CNTNAP2: variants seen among roughly 807,000 people sequenced by gnomAD.
CNTNAP2 encodes the protein contactin associated protein 2.
A neutral mutation model predicts 155.2 loss-of-function variants in CNTNAP2; 98 were observed. That is an observed-to-expected ratio of 0.63 (90% CI 0.54 to 0.75). The LOEUF (loss-of-function observed/expected upper bound fraction) is 0.75. CNTNAP2 is among the 30% of genes least tolerant of loss of function. The probability of loss-of-function intolerance (pLI) is 0.00; values close to 1 mark genes in which losing one functional copy is unlikely to be tolerated. For synonymous variants in CNTNAP2, 651 were observed against 631.2 expected (o/e 1.03, Z -0.47); for missense variants, 1,727 against 1,688.1 (o/e 1.02, Z -0.40).
intron 1 of CNTNAP2, among the ~76,000 whole-genome samples, chr7:146,589,803 C>A (rs1467023792): frequency 6.6e-6 from 1 of 151,522 alleles, no homozygotes. Flanking sequence ...ATGTGTTATT[C>A]AAGTGAGATT....
chr7:147,083,870 C>CATATTATATACATATACACATGTATGTAT (rs1443625288), intron 4 of CNTNAP2, among the ~76,000 whole-genome samples: 2 of 125,834 alleles, frequency 1.6e-5, no homozygotes, highest in Non-Finnish European at 3.1e-5. Context: ...CATGTATGTA[C>CATATTATATACATATACACATGTATGTAT]ATATTATATA....
intron 14 of CNTNAP2, among the ~76,000 whole-genome samples, chr7:147,920,355 C>CAAAAAA (rs35672069): frequency 1.7e-4 from 15 of 86,806 alleles, no homozygotes; most frequent in East Asian, 4.3e-4. Context: ...GACTCCGTCT[C>CAAAAAA]AAAAAAAAAA....
chr7:147,336,725 G>A (rs1177434433), intron 9 of CNTNAP2, among the ~76,000 whole-genome samples: 1 of 152,070 alleles, frequency 6.6e-6, no homozygotes, highest in Non-Finnish European at 1.5e-5. Flanking sequence ...TCTTTCCACT[G>A]TTCACCTCTG....
intron 8 of CNTNAP2, among the ~76,000 whole-genome samples, chr7:147,169,743 C>A (rs951482831): frequency 6.6e-6 from 1 of 152,054 alleles, no homozygotes; most frequent in Non-Finnish European, 1.5e-5. Flanking sequence ...GAAATTCAAA[C>A]CCTGGATAGA....
In CNTNAP2 at chr7:147,326,177, G is replaced by A. The variant is rs534003947; in HGVS notation, c.1498+25887G>A. Among the ~76,000 whole-genome samples, 7 of 152,288 alleles carry A rather than the reference G, an allele frequency of 4.6e-5. No individual in the cohort carries two copies. In the East Asian group the frequency reaches 9.7e-4, roughly 21 times the overall value. ...CTGACCTGGTGATCCGCCCGCCTTGGCCTCCCAAAGTGCTGGGATTACAGG... is the reference window on the plus strand; with the variant it reads ...CTGACCTGGTGATCCGCCCGCCTTGACCTCCCAAAGTGCTGGGATTACAGG... On this transcript the variant is annotated intron_variant, in intron 9 of 23. Coordinates refer to ENST00000361727, the MANE Select transcript of CNTNAP2 (RefSeq NM_014141.6).
intron 20 of CNTNAP2, among the ~76,000 whole-genome samples, chr7:148,237,329 C>G (rs577871974): frequency 9.9e-5 from 15 of 152,080 alleles, no homozygotes; most frequent in African/African-American, 3.4e-4. Flanking sequence ...GTACTAATGT[C>G]CAAAAATAAT....
intron 1 of CNTNAP2, among the ~76,000 whole-genome samples, chr7:146,227,435 A>AAG (rs1379014229): frequency 5.3e-5 from 8 of 151,240 alleles, no homozygotes; most frequent in African/African-American, 1.9e-4. Context: ...AAACAAAAAA[A>AAG]AAAAAAAAAA....
chr7:148,293,152 T>G (rs1272479246), intron 21 of CNTNAP2, among the ~76,000 whole-genome samples: 1 of 152,210 alleles, frequency 6.6e-6, no homozygotes, highest in Non-Finnish European at 1.5e-5. Flanking sequence ...TTTCTTTTTC[T>G]TTGTAACTCT....
chr7:146,678,271 G>T (rs925194508), intron 1 of CNTNAP2, among the ~76,000 whole-genome samples: 9 of 151,720 alleles, frequency 5.9e-5, no homozygotes, highest in Admixed American at 1.3e-4. Context: ...GTCTCACCAC[G>T]TTGGCCGGGC....
intron 1 of CNTNAP2, among the ~76,000 whole-genome samples, chr7:146,667,335 G>T (rs1489448414): frequency 6.6e-6 from 1 of 152,030 alleles, no homozygotes; most frequent in Non-Finnish European, 1.5e-5. Context: ...TGTTCCATTA[G>T]CCTATAGATG....
chr7:147,054,590 TAA>T (rs1178021928), intron 4 of CNTNAP2, among the ~76,000 whole-genome samples: 2 of 152,190 alleles, frequency 1.3e-5, no homozygotes, highest in Non-Finnish European at 2.9e-5. Flanking sequence ...CAAATATATA[TAA>T]GTGATTCCTT....
chr7:146,174,928 T>C (rs191412084), intron 1 of CNTNAP2, among the ~76,000 whole-genome samples: 2 of 152,274 alleles, frequency 1.3e-5, no homozygotes, highest in African/African-American at 4.8e-5. Flanking sequence ...TAATACTTCA[T>C]AGATGCCCCC....
At chr7:147,969,501 C>T (rs998559115) in intron 14 of CNTNAP2, among the ~76,000 whole-genome samples, 7 of 152,084 alleles carry the variant, frequency 4.6e-5, no homozygotes, top group African/African-American at 1.7e-4. Context: ...GGGCCTACTC[C>T]AAAACAATGG....
intron 13 of CNTNAP2, among the ~76,000 whole-genome samples, chr7:147,810,765 C>T (rs1798166743): frequency 6.6e-6 from 1 of 151,914 alleles, no homozygotes; most frequent in South Asian, 2.1e-4. Context: ...GTTAAAATAC[C>T]CAATTTCGTT....
chr7:146,544,407 C>A (rs914453460), intron 1 of CNTNAP2, among the ~76,000 whole-genome samples: 2 of 151,978 alleles, frequency 1.3e-5, no homozygotes, highest in African/African-American at 4.8e-5. Context: ...TTTAACAGCA[C>A]ACTTTCCGCT....
At chr7:147,802,311 G>A in intron 13 of CNTNAP2, among the ~76,000 whole-genome samples, 1 of 146,712 alleles carries the variant, frequency 6.8e-6, no homozygotes, top group South Asian at 2.2e-4. Context: ...CAGGCAGAGG[G>A]GCTCCTCACA....
chr7:146,153,124 A>G (rs1380980704), intron 1 of CNTNAP2, among the ~76,000 whole-genome samples: 1 of 152,118 alleles, frequency 6.6e-6, no homozygotes, highest in Non-Finnish European at 1.5e-5. Flanking sequence ...GAAATGTTTC[A>G]TGTTACTGGT....
At chr7:147,992,180 C>T (rs567962494) in intron 15 of CNTNAP2, among the ~76,000 whole-genome samples, 29 of 145,142 alleles carry the variant, frequency 2.0e-4, no homozygotes, top group African/African-American at 6.4e-4. Flanking sequence ...CTGCAACCTC[C>T]GCCTCCTGGG....
chr7:146,165,353 G>A (rs1798296949), intron 1 of CNTNAP2, among the ~76,000 whole-genome samples: 1 of 152,028 alleles, frequency 6.6e-6, no homozygotes, highest in South Asian at 2.1e-4. Flanking sequence ...TTCCCAAAAG[G>A]TGGCATGCTT....
Sources: gnomAD v4.1 joint callset for allele counts (sites outside exome capture counted in the v4.1 genomes callset) on GRCh38, gnomAD v4.1.1 for gene constraint, MANE v1.5 for transcripts, NCBI Gene and HGNC (gene_info 2026-07-23, HGNC 2026-07-21) for gene names.